The following CDH11 variants were observed in gnomAD, a reference collection of about 807,000 sequenced individuals.
CDH11 encodes cadherin-11.
A neutral mutation model predicts 67.8 loss-of-function variants in CDH11; 11 were observed. The observed-to-expected ratio is 0.16, with a 90% confidence interval of 0.10 to 0.27. The LOEUF (loss-of-function observed/expected upper bound fraction) is 0.27. Ranked by LOEUF, CDH11 falls within the 10% of genes least tolerant of loss-of-function variation. The pLI is 1.00. For synonymous variants in CDH11, 419 were observed against 400.0 expected, an observed-to-expected ratio of 1.05 and a Z score of -0.57; for missense variants, 847 against 1,031.2, an observed-to-expected ratio of 0.82 and a Z score of 2.45.
intron 1 of CDH11, among the ~76,000 whole-genome samples, chr16:65,078,333 G>A (rs190129745): frequency 1.1e-4 from 16 of 152,266 alleles, no homozygotes; most frequent in South Asian, 2.1e-4. Flanking sequence ...GAGCTCAAAC[G>A]TTCTGCCTTT....
At chr16:64,982,764 T>C (rs928043152) in intron 7 of CDH11, 2 of 156,082 alleles carry the variant, frequency 1.3e-5, no homozygotes, top group Non-Finnish European at 2.8e-5. Flanking sequence ...CTTGATCATA[T>C]TGAAAGCTTC....
rs1485425070 is a variant in CDH11 at position 64,972,449 on chromosome 16, A to T, written c.1391-385T>A. 2.0e-5 allele frequency among the ~76,000 whole-genome samples: 3 copies of T among 152,274 alleles called. 1 individual carries two copies. In the East Asian group the frequency reaches 5.8e-4, roughly 29 times the overall value. On this transcript the variant is annotated intron_variant, in intron 9 of 12. Transcript: ENST00000268603. ...TTGGAAGCAAAAATTCTCAGGCCCT[A>T]TCCCAGACCTACTGAATCAGAGTCT...
intron 7 of CDH11, among the ~76,000 whole-genome samples, chr16:64,984,319 A>C (rs2072429301): frequency 6.6e-6 from 1 of 152,216 alleles, no homozygotes; most frequent in Non-Finnish European, 1.5e-5. Flanking sequence ...AGTAGGCAAG[A>C]ATGACTGTAC....
intron 1 of CDH11, among the ~76,000 whole-genome samples, chr16:65,116,150 A>G (rs895112357): frequency 2.6e-5 from 4 of 152,204 alleles, no homozygotes; most frequent in African/African-American, 9.6e-5. Context: ...GAATGAGTTT[A>G]TGGGTAAAAC....
At chr16:65,008,594 G>A (rs1208116290) in intron 2 of CDH11, among the ~76,000 whole-genome samples, 1 of 152,124 alleles carries the variant, frequency 6.6e-6, no homozygotes, top group Non-Finnish European at 1.5e-5. Context: ...CTTAAAGGAT[G>A]AGGAAACTGA....
At chr16:65,092,784 CAA>C (rs573644581) in intron 1 of CDH11, among the ~76,000 whole-genome samples, 8 of 98,978 alleles carry the variant, frequency 8.1e-5, no homozygotes, top group Non-Finnish European at 1.4e-4. Context: ...GGACATTTTC[CAA>C]AAAAAAAAAA....
chr16:65,061,465 T>C (rs996700530), intron 1 of CDH11, among the ~76,000 whole-genome samples: 3 of 152,248 alleles, frequency 2.0e-5, no homozygotes, highest in Non-Finnish European at 2.9e-5. Flanking sequence ...CTTTGATAAA[T>C]GCAACGTGGC....
intron 4 of CDH11, among the ~76,000 whole-genome samples, chr16:64,997,440 G>A (rs1227243038): frequency 6.7e-6 from 1 of 149,426 alleles, no homozygotes; most frequent in Non-Finnish European, 1.5e-5. Flanking sequence ...GCCCGCAAAG[G>A]TGAGAATAAT....
chr16:65,002,921 TC>T (rs958027053), intron 3 of CDH11, among the ~76,000 whole-genome samples: 6 of 151,462 alleles, frequency 4.0e-5, no homozygotes, highest in African/African-American at 1.5e-4. Flanking sequence ...TTATTCATTT[TC>T]TTTTTTTCTT....
chr16:65,122,128 G>A, upstream of CDH11: 1 of 503,890 alleles, frequency 2.0e-6, no homozygotes, highest in Non-Finnish European at 3.5e-6. Context: ...GGGCAGGCGG[G>A]TGCGGGGCGG....
Position 64,945,074 on chromosome 16 carries a change from T to TA in CDH11, c.*2528dup. On this transcript the variant is annotated 3_prime_UTR_variant, in exon 13 of 13. Transcript: ENST00000268603. ...ATGAATGAATGATGACTAGAAACAA[T>TA]AACCATTACTTGAGGAAAAGAACAG... 1 of 204,860 alleles carries TA rather than the reference T, an allele frequency of 4.9e-6. No homozygotes were observed. Among genetic ancestry groups the TA allele is most frequent in the Non-Finnish European group, 1.0e-5 (1 of 99,990 alleles). The allele number at this position is 204,860 out of a possible 1,614,324, so 12.7% of individuals were successfully genotyped here.
At chr16:64,986,402 G>A (rs1253065933) in intron 7 of CDH11, 2 of 151,938 alleles carry the variant, frequency 1.3e-5, no homozygotes, top group African/African-American at 2.4e-5. Flanking sequence ...GAGTTCCATG[G>A]GGGTGATTTA....
At chr16:65,064,895 A>C (rs1268629325) in intron 1 of CDH11, among the ~76,000 whole-genome samples, 1 of 152,232 alleles carries the variant, frequency 6.6e-6, no homozygotes, top group Non-Finnish European at 1.5e-5. Context: ...AGAGGTGAGG[A>C]ACACGGATCC....
In CDH11 at chr16:65,120,912, AG is replaced by A. The variant is rs938787397; in HGVS notation, c.-298+967del. 3.3e-5 allele frequency among the ~76,000 whole-genome samples: 5 copies of A among 152,034 alleles called. No homozygotes were observed. The East Asian group carries it at 5.9e-4, about 18-fold the overall frequency. On this transcript the variant is annotated intron_variant, in intron 1 of 12. Transcript: ENST00000268603. ...CTCCTACAGTTCCTCTGGGTTGGGG[AG>A]GGGGGAGAAGGGAGCTCTCCTCGCC...
At chr16:64,992,845 A>G (rs762701767) in intron 5 of CDH11, 70 bp downstream of exon 5, 10 of 1,456,708 alleles carry the variant, frequency 6.9e-6, no homozygotes, top group Admixed American at 1.8e-5. Context: ...AGAGTATTAA[A>G]TAAGTTCTGG....
In CDH11 at chr16:65,004,902, G is replaced by T; in HGVS notation, c.-33C>A. On this transcript the variant is annotated 5_prime_UTR_variant, in exon 3 of 13. The change creates a new upstream start codon in the 5' untranslated region. Transcript: ENST00000268603. ...TACGTGGTAGGCACAGGAGAATGCA[G>T]CTGTCACCCCTTCCACCAACTGTAC... 1 of 1,475,478 alleles carries T rather than the reference G, an allele frequency of 6.8e-7. No individual in the cohort carries two copies. Among genetic ancestry groups the T allele is most frequent in the South Asian group, 1.4e-5 (1 of 72,710 alleles). 91.4% of individuals were successfully genotyped at this position (1,475,478 alleles called of 1,614,324 possible).
At chr16:64,993,508 A>G (rs758686211) in intron 4 of CDH11, among the ~76,000 whole-genome samples, 3 of 152,206 alleles carry the variant, frequency 2.0e-5, no homozygotes, top group Admixed American at 6.5e-5. Context: ...GTTGCTTTGC[A>G]TGTAATAAAA....
chr16:64,976,142 G>T (rs2142439671), intron 8 of CDH11, among the ~76,000 whole-genome samples: 1 of 152,308 alleles, frequency 6.6e-6, no homozygotes, highest in African/African-American at 2.4e-5. Flanking sequence ...CAGAGTTAGA[G>T]TTGGGGAGAA....
chr16:65,021,214 A>G (rs1425027408), intron 2 of CDH11, among the ~76,000 whole-genome samples: 1 of 152,222 alleles, frequency 6.6e-6, no homozygotes, highest in Non-Finnish European at 1.5e-5. Flanking sequence ...CTCATAATCC[A>G]AAGTAATTTC....
Sources: allele counts gnomAD v4.1 joint callset (sites outside exome capture counted in the v4.1 genomes callset), GRCh38; gene constraint gnomAD v4.1.1; transcripts MANE v1.5; gene names NCBI Gene and HGNC (gene_info 2026-07-23, HGNC 2026-07-21).